Variants in DCC observed in about 807,000 individuals in gnomAD.
DCC encodes netrin receptor DCC.
A neutral mutation model predicts 172.5 loss-of-function variants in DCC; 58 were observed. The ratio of observed to expected loss-of-function variants is 0.34; its 90% CI spans 0.27 to 0.42. The LOEUF (loss-of-function observed/expected upper bound fraction) is 0.42, where lower values mean the gene tolerates loss of function less well. Ranked by LOEUF, DCC falls within the 10% of genes least tolerant of loss-of-function variation. DCC has a pLI of 1.00. For missense variants in DCC, 1,740 were observed against 1,791.0 expected (o/e 0.97, Z 0.51); for synonymous variants, 709 against 644.5 (o/e 1.10, Z -1.52).
intron 28 of DCC, chr18:53,526,977 A>G (rs2046463494): frequency 1.8e-6 from 1 of 563,006 alleles, no homozygotes; most frequent in African/African-American, 1.9e-5. Context: ...TATGTAAAAA[A>G]GTTGATTCTT....
At chr18:53,510,436 T>G (rs1309353324) in intron 27 of DCC, among the ~76,000 whole-genome samples, 2 of 152,188 alleles carry the variant, frequency 1.3e-5, no homozygotes, top group African/African-American at 4.8e-5. Context: ...GTAGTTCAAT[T>G]GTATTCTATA....
At chr18:52,841,795 G>A (rs1013239280) in intron 2 of DCC, among the ~76,000 whole-genome samples, 8 of 151,964 alleles carry the variant, frequency 5.3e-5, no homozygotes, top group African/African-American at 1.5e-4. Context: ...CAACATTTTT[G>A]CCATTCCCCC....
intron 5 of DCC, among the ~76,000 whole-genome samples, chr18:53,056,184 C>T (rs1366283534): frequency 2.6e-5 from 4 of 152,182 alleles, no homozygotes; most frequent in African/African-American, 4.8e-5. Flanking sequence ...CTCACAATCA[C>T]GGCGAAAGGC....
At chr18:52,409,716 A>G (rs1986779851) in intron 1 of DCC, among the ~76,000 whole-genome samples, 1 of 152,176 alleles carries the variant, frequency 6.6e-6, no homozygotes. Flanking sequence ...CACAGGGGTG[A>G]TATGAAGTTG....
intron 1 of DCC, among the ~76,000 whole-genome samples, chr18:52,390,782 T>C (rs1986000319): frequency 6.6e-6 from 1 of 152,122 alleles, no homozygotes; most frequent in South Asian, 2.1e-4. Flanking sequence ...ATATTAGTTA[T>C]TCCTCATATC....
chr18:53,275,926 T>A (rs2056801088), intron 12 of DCC, among the ~76,000 whole-genome samples: 2 of 152,196 alleles, frequency 1.3e-5, no homozygotes, highest in Admixed American at 6.5e-5. Flanking sequence ...AACAAACAGT[T>A]ATTTTCAGGC....
At chr18:53,323,822 A>G (rs2057437657) in intron 14 of DCC, among the ~76,000 whole-genome samples, 1 of 152,152 alleles carries the variant, frequency 6.6e-6, no homozygotes, top group Admixed American at 6.5e-5. Flanking sequence ...GGGAAGGAAT[A>G]GTGAGTAAGG....
chr18:52,430,133 A>G (rs764218706), intron 1 of DCC, among the ~76,000 whole-genome samples: 65 of 152,148 alleles, frequency 4.3e-4, no homozygotes, highest in Non-Finnish European at 1.2e-4. Context: ...AGAGCTCCCA[A>G]GAGACACCCA....
chr18:52,690,567 A>T (rs369567252), intron 1 of DCC, among the ~76,000 whole-genome samples: 1 of 152,154 alleles, frequency 6.6e-6, no homozygotes, highest in African/African-American at 2.4e-5. Context: ...TGGTTTTAAC[A>T]GTATTTCCAT....
intron 12 of DCC, among the ~76,000 whole-genome samples, chr18:53,270,711 T>C (rs1454800106): frequency 1.3e-5 from 2 of 152,160 alleles, no homozygotes; most frequent in Non-Finnish European, 2.9e-5. Context: ...CATTGTTATC[T>C]TTTTAAAATT....
chr18:52,843,743 G>T (rs532699778), intron 2 of DCC, among the ~76,000 whole-genome samples: 1 of 152,170 alleles, frequency 6.6e-6, no homozygotes, highest in East Asian at 1.9e-4. Context: ...ACACATGCTG[G>T]TCATAATTGT....
intron 12 of DCC, among the ~76,000 whole-genome samples, chr18:53,294,876 G>A (rs1222602566): frequency 6.6e-6 from 1 of 152,180 alleles, no homozygotes; most frequent in Non-Finnish European, 1.5e-5. Context: ...AGAACCAGGG[G>A]CCAGCAGGGC....
At chr18:52,647,113 T>C (rs2035033452) in intron 1 of DCC, among the ~76,000 whole-genome samples, 5 of 152,208 alleles carry the variant, frequency 3.3e-5, no homozygotes. Context: ...TTATTCTACA[T>C]GTAGTCAATA....
intron 15 of DCC, among the ~76,000 whole-genome samples, chr18:53,353,631 T>A (rs576539610): frequency 6.6e-6 from 1 of 152,288 alleles, no homozygotes. Flanking sequence ...GAAAAAGTTT[T>A]AAGTTTGCTA....
At chr18:52,577,936 T>C (rs2033454261) in intron 1 of DCC, among the ~76,000 whole-genome samples, 1 of 152,184 alleles carries the variant, frequency 6.6e-6, no homozygotes, top group Non-Finnish European at 1.5e-5. Flanking sequence ...AGAGAGGAGA[T>C]GATTTCACCT....
intron 17 of DCC, among the ~76,000 whole-genome samples, chr18:53,394,127 G>A (rs778137915): frequency 6.6e-6 from 1 of 152,076 alleles, no homozygotes; most frequent in Non-Finnish European, 1.5e-5. Flanking sequence ...ACACACAATA[G>A]GAAACAAACA....
chr18:53,116,642 T>G (rs887558155), intron 7 of DCC, among the ~76,000 whole-genome samples: 2 of 151,700 alleles, frequency 1.3e-5, no homozygotes, highest in Non-Finnish European at 3.0e-5. Context: ...ACTCTTGGGT[T>G]TCAGATCAGG....
At chr18:53,014,978 A>G (rs1245727644) in intron 5 of DCC, among the ~76,000 whole-genome samples, 2 of 152,214 alleles carry the variant, frequency 1.3e-5, no homozygotes, top group Non-Finnish European at 2.9e-5. Context: ...CTTCCCCTAC[A>G]CAATTAAAAT....
chr18:52,936,487 G>T (rs2040383390), intron 5 of DCC, among the ~76,000 whole-genome samples: 2 of 121,652 alleles, frequency 1.6e-5, no homozygotes, highest in South Asian at 2.3e-4. Context: ...AAAATAATGT[G>T]AGCATTGCTT....
Sources: gnomAD v4.1 joint callset for allele counts (sites outside exome capture counted in the v4.1 genomes callset) on GRCh38, gnomAD v4.1.1 for gene constraint, MANE v1.5 for transcripts, NCBI Gene and HGNC (gene_info 2026-07-23, HGNC 2026-07-21) for gene names.